Variants in NEGR1 observed in about 807,000 individuals in gnomAD.
NEGR1 encodes neuronal growth regulator 1.
Under a neutral mutation model 40.9 loss-of-function variants are expected in NEGR1, and 10 were observed. The observed-to-expected ratio is 0.24, with a 90% CI of 0.15 to 0.42. The LOEUF (loss-of-function observed/expected upper bound fraction) is 0.42. NEGR1 is among the 10% of genes least tolerant of loss of function. NEGR1 has a pLI of 1.00. For missense variants in NEGR1, 352 were observed against 438.9 expected (o/e 0.80, Z 1.77); for synonymous variants, 185 against 166.8 (o/e 1.11, Z -0.84).
chr1:71,928,161 C>CACACATAT (rs369067113), intron 2 of NEGR1, among the ~76,000 whole-genome samples: 4 of 906 alleles, frequency 4.4e-3, no homozygotes, highest in Non-Finnish European at 8.4e-3. Flanking sequence ...TATGTATATA[C>CACACATAT]GTATATATGT....
intron 1 of NEGR1, among the ~76,000 whole-genome samples, chr1:72,105,559 A>C (rs965182618): frequency 6.6e-6 from 1 of 151,954 alleles, no homozygotes; most frequent in African/African-American, 2.4e-5. Flanking sequence ...TAAATAAATA[A>C]ATAAATAAAT....
chr1:72,139,663 T>C (rs946238797), intron 1 of NEGR1, among the ~76,000 whole-genome samples: 3 of 151,878 alleles, frequency 2.0e-5, no homozygotes, highest in African/African-American at 7.3e-5. Flanking sequence ...TTCTAGAAAA[T>C]GAAAACCAAT....
intron 1 of NEGR1, among the ~76,000 whole-genome samples, chr1:72,243,850 C>T (rs1654823070): frequency 6.6e-6 from 1 of 151,582 alleles, no homozygotes; most frequent in Admixed American, 6.6e-5. Context: ...ATATTAATTT[C>T]TTTATGGCAT....
At chr1:71,881,734 A>G (rs1660589630) in intron 2 of NEGR1, among the ~76,000 whole-genome samples, 1 of 152,060 alleles carries the variant, frequency 6.6e-6, no homozygotes, top group Non-Finnish European at 1.5e-5. Flanking sequence ...CCCTATTGTA[A>G]TCATGTGGCA....
chr1:72,125,387 A>G (rs191464894), intron 1 of NEGR1, among the ~76,000 whole-genome samples: 3 of 152,240 alleles, frequency 2.0e-5, no homozygotes, highest in East Asian at 1.9e-4. Context: ...TGAAATATTC[A>G]TAACACTCTA....
At chr1:71,997,690 T>G (rs1426924287) in intron 1 of NEGR1, among the ~76,000 whole-genome samples, 1 of 151,984 alleles carries the variant, frequency 6.6e-6, no homozygotes, top group Non-Finnish European at 1.5e-5. Context: ...GATGTTTTCT[T>G]TCTGAAAAAA....
chr1:71,765,106 CAACTGAGA>C (rs1656076246), intron 3 of NEGR1, among the ~76,000 whole-genome samples: 1 of 152,068 alleles, frequency 6.6e-6, no homozygotes, highest in African/African-American at 2.4e-5. Flanking sequence ...AAAACCATTA[CAACTGAGA>C]AGTATGCTCA....
chr1:72,272,722 TAC>T (rs1655886198), intron 1 of NEGR1, among the ~76,000 whole-genome samples: 1 of 151,944 alleles, frequency 6.6e-6, no homozygotes, highest in African/African-American at 2.4e-5. Context: ...CATACGCTAA[TAC>T]ACACACAAAC....
chr1:71,713,585 A>T (rs1040879943), intron 3 of NEGR1, among the ~76,000 whole-genome samples: 1 of 152,226 alleles, frequency 6.6e-6, no homozygotes, highest in Non-Finnish European at 1.5e-5. Context: ...CTGTGCTAAA[A>T]TTAAATCAAT....
chr1:71,888,571 C>A (rs1297269890), intron 2 of NEGR1, among the ~76,000 whole-genome samples: 1 of 149,414 alleles, frequency 6.7e-6, no homozygotes, highest in African/African-American at 2.5e-5. Flanking sequence ...GTCCTACGCC[C>A]ACGGAATCTC....
intron 2 of NEGR1, among the ~76,000 whole-genome samples, chr1:71,919,078 T>A (rs966138262): frequency 1.3e-5 from 2 of 152,150 alleles, no homozygotes; most frequent in African/African-American, 4.8e-5. Context: ...AATGAATACC[T>A]CCACCTCTAC....
chr1:71,434,629 T>G (rs902024877), intron 6 of NEGR1, among the ~76,000 whole-genome samples: 4 of 152,206 alleles, frequency 2.6e-5, no homozygotes, highest in Admixed American at 2.6e-4. Flanking sequence ...TCACAAGAAG[T>G]GCCATAGTGA....
At chr1:71,912,918 C>T (rs1419017278) in intron 2 of NEGR1, among the ~76,000 whole-genome samples, 1 of 151,872 alleles carries the variant, frequency 6.6e-6, no homozygotes, top group African/African-American at 2.4e-5. Flanking sequence ...CTTAACTTTG[C>T]AAAATAATTT....
intron 4 of NEGR1, among the ~76,000 whole-genome samples, chr1:71,617,557 G>A (rs1219650983): frequency 6.6e-6 from 1 of 152,192 alleles, no homozygotes; most frequent in Non-Finnish European, 1.5e-5. Context: ...GTATATGCAT[G>A]GACGGAGTTG....
intron 4 of NEGR1, among the ~76,000 whole-genome samples, chr1:71,686,374 G>A (rs1653036729): frequency 6.6e-6 from 1 of 152,106 alleles, no homozygotes; most frequent in Non-Finnish European, 1.5e-5. Context: ...GTGAAAGGGG[G>A]TAGGGGTAGG....
intron 1 of NEGR1, among the ~76,000 whole-genome samples, chr1:72,141,603 T>A (rs1325105758): frequency 1.3e-5 from 2 of 152,072 alleles, no homozygotes; most frequent in African/African-American, 4.8e-5. Context: ...GACAGTAATG[T>A]TGGTCAAAGA....
intron 1 of NEGR1, among the ~76,000 whole-genome samples, chr1:72,280,820 ACT>A (rs1467731363): frequency 1.3e-5 from 2 of 151,962 alleles, no homozygotes; most frequent in Non-Finnish European, 2.9e-5. Flanking sequence ...AACATTTCCC[ACT>A]CTCTTTCACC....
At chr1:71,731,731 A>G (rs1217470488) in intron 3 of NEGR1, among the ~76,000 whole-genome samples, 2 of 152,182 alleles carry the variant, frequency 1.3e-5, no homozygotes, top group Non-Finnish European at 2.9e-5. Flanking sequence ...CAACACTGAT[A>G]TATTGTTTTC....
At chr1:71,976,443 T>C (rs1001745800) in intron 1 of NEGR1, among the ~76,000 whole-genome samples, 11 of 152,242 alleles carry the variant, frequency 7.2e-5, no homozygotes, top group African/African-American at 2.4e-4. Flanking sequence ...CCTGTGAATA[T>C]GCAGACTTGG....
Sources: allele counts gnomAD v4.1 joint callset (sites outside exome capture counted in the v4.1 genomes callset), GRCh38; gene constraint gnomAD v4.1.1; transcripts MANE v1.5; gene names NCBI Gene and HGNC (gene_info 2026-07-23, HGNC 2026-07-21).